Variants in VPS35L observed in about 807,000 individuals in gnomAD.
The protein encoded by VPS35L is VPS35 endosomal protein sorting factor like.
A neutral mutation model predicts 133.0 loss-of-function variants in VPS35L; 83 were observed. The ratio of observed to expected loss-of-function variants is 0.62; its 90% CI spans 0.52 to 0.75. The LOEUF (loss-of-function observed/expected upper bound fraction) is 0.75, where lower values mean the gene tolerates loss of function less well. Ranked by LOEUF, VPS35L falls within the 30% of genes least tolerant of loss-of-function variation. The pLI is 0.00. For missense variants in VPS35L, 1,083 were observed against 1,206.8 expected (o/e 0.90, Z 1.52); for synonymous variants, 423 against 449.9 (o/e 0.94, Z 0.76).
intron 27 of VPS35L, among the ~76,000 whole-genome samples, chr16:19,678,593 T>G (rs1488686942): frequency 3.3e-5 from 5 of 151,816 alleles, no homozygotes; most frequent in Admixed American, 3.3e-4. Context: ...TTCTCCTGCC[T>G]CAGCCTCCCA....
At chr16:19,574,047 A>G (rs1359387204) in intron 4 of VPS35L, among the ~76,000 whole-genome samples, 2 of 152,182 alleles carry the variant, frequency 1.3e-5, no homozygotes, top group African/African-American at 4.8e-5. Context: ...GGAAAGACTC[A>G]GGAGAGCTGA....
intron 2 of VPS35L, 70 bp downstream of exon 2, chr16:19,565,020 C>T: frequency 4.8e-6 from 6 of 1,250,658 alleles, no homozygotes; most frequent in Middle Eastern, 2.0e-4. Flanking sequence ...CTTCCTGAGT[C>T]TTTTCCGTTT....
At chr16:19,589,740 T>C (rs1443588995) in intron 7 of VPS35L, among the ~76,000 whole-genome samples, 1 of 152,228 alleles carries the variant, frequency 6.6e-6, no homozygotes. Flanking sequence ...ATAAAATATA[T>C]GTTCTATGAA....
chr16:19,622,634 A>G (rs1973122276), intron 14 of VPS35L, among the ~76,000 whole-genome samples: 1 of 152,208 alleles, frequency 6.6e-6, no homozygotes, highest in Non-Finnish European at 1.5e-5. Flanking sequence ...GGTCAACTGT[A>G]TACTAAAGTT....
Position 19,575,060 on chromosome 16 carries a change from C to T in VPS35L, c.409-38C>T, listed in dbSNP as rs778034227. On this transcript the variant is annotated intron_variant, in intron 4 of 30. Coordinates refer to ENST00000417362, the MANE Select transcript of VPS35L (RefSeq NM_020314.7). ...TGGAAAACAATGAACATACTGCCTTCGATTTTTAAAATATTAATGAATTTT... is the reference window on the plus strand; with the variant it reads ...TGGAAAACAATGAACATACTGCCTTTGATTTTTAAAATATTAATGAATTTT... 21 of 1,548,564 alleles carry T rather than the reference C, an allele frequency of 1.4e-5. No homozygotes were observed. The African/African-American group carries it at 1.4e-4, about 10-fold the overall frequency.
At chr16:19,603,183 C>T (rs1972439552) in intron 9 of VPS35L, among the ~76,000 whole-genome samples, 3 of 152,070 alleles carry the variant, frequency 2.0e-5, no homozygotes, top group South Asian at 2.1e-4. Flanking sequence ...TTTTAGGACC[C>T]ATCTTGTTTC....
chr16:19,678,481 ATTT>A (rs776896300), intron 27 of VPS35L, among the ~76,000 whole-genome samples: 3 of 141,758 alleles, frequency 2.1e-5, no homozygotes, highest in Admixed American at 7.1e-5. Context: ...CCATCTGTAC[ATTT>A]TTTTTTTTTT....
chr16:19,591,918 G>T (rs369954917), intron 8 of VPS35L, 44 bp downstream of exon 8: 1 of 1,446,766 alleles, frequency 6.9e-7, no homozygotes, highest in African/African-American at 1.4e-5. Context: ...AAATGTGTTC[G>T]TTTTGTCAAG....
At chr16:19,675,102 G>GCCAC (rs1167839565) in intron 27 of VPS35L, among the ~76,000 whole-genome samples, 1 of 151,922 alleles carries the variant, frequency 6.6e-6, no homozygotes, top group African/African-American at 2.4e-5. Context: ...ACATGGGCAA[G>GCCAC]CCACCAGGCC....
At chr16:19,575,207 AT>A (rs1450008837) in intron 5 of VPS35L, 85 bp downstream of exon 5, 1 of 1,261,878 alleles carries the variant, frequency 7.9e-7, no homozygotes, top group Non-Finnish European at 1.1e-6. Context: ...GTTTTATGTG[AT>A]ATGATTCTGA....
intron 12 of VPS35L, among the ~76,000 whole-genome samples, chr16:19,613,689 CT>C: frequency 6.6e-6 from 1 of 152,276 alleles, no homozygotes; most frequent in East Asian, 1.9e-4. Context: ...TTGTCCACCC[CT>C]AGACTAGTCA....
At chr16:19,643,155 A>T (rs1173242818) in intron 22 of VPS35L, among the ~76,000 whole-genome samples, 2 of 152,226 alleles carry the variant, frequency 1.3e-5, no homozygotes, top group East Asian at 1.9e-4. Flanking sequence ...CTTCACTTCC[A>T]TGATTTTTTG....
chr16:19,555,811 G>A, intron 1 of VPS35L, 65 bp downstream of exon 1: 2 of 1,515,868 alleles, frequency 1.3e-6, no homozygotes. Flanking sequence ...GGGTCGGCCT[G>A]GGTCTGAGAG....
intron 21 of VPS35L, among the ~76,000 whole-genome samples, chr16:19,640,539 G>T (rs558441436): frequency 6.0e-4 from 91 of 152,282 alleles, no homozygotes; most frequent in African/African-American, 2.1e-3. Flanking sequence ...TACGAAGAAG[G>T]CACCGGTGCT....
rs1299486447 is a variant in VPS35L at position 19,699,810 on chromosome 16, A to T, written c.2793+162A>T. ...GGATCACTTCCTAGCAGTAAAAAGC[A>T]GAGCTGGCCAGGTGTGGCAGCTCAT... On this transcript the variant is annotated intron_variant, in intron 30 of 30. Transcript: ENST00000417362. This position sits in a 1 kb window ranked among gnomAD's most constrained non-coding sequence, Gnocchi z 4.2. Among the ~76,000 whole-genome samples the T allele has an allele frequency of 6.6e-6, 1 of 152,240 alleles. No homozygotes were observed. The highest frequency in any genetic ancestry group is 1.5e-5 in the Non-Finnish European group (1 of 68,036).
intron 26 of VPS35L, among the ~76,000 whole-genome samples, chr16:19,665,894 C>A (rs549494840): frequency 6.6e-5 from 10 of 152,206 alleles, no homozygotes; most frequent in African/African-American, 2.4e-4. Context: ...TCGATGATAT[C>A]TCATTATAGT....
intron 8 of VPS35L, among the ~76,000 whole-genome samples, chr16:19,599,666 A>G (rs62026188): frequency 0.3 from 45,667 of 151,774 alleles, 8,108 homozygotes; most frequent in Non-Finnish European, 0.4. Context: ...ACGCCTGGCT[A>G]TAAAATATTC....
At chr16:19,641,881 AG>A (rs1973798581) in intron 21 of VPS35L, among the ~76,000 whole-genome samples, 2 of 152,168 alleles carry the variant, frequency 1.3e-5, no homozygotes, top group Admixed American at 1.3e-4. Flanking sequence ...AGTTAGGAGA[AG>A]TTATCATGTG....
chr16:19,690,141 A>T (rs922549869), intron 28 of VPS35L, among the ~76,000 whole-genome samples: 1 of 152,106 alleles, frequency 6.6e-6, no homozygotes, highest in Non-Finnish European at 1.5e-5. Flanking sequence ...TCCTGGACTC[A>T]AGTGATCCTC....
Sources: gnomAD v4.1 joint callset for allele counts (sites outside exome capture counted in the v4.1 genomes callset) on GRCh38, gnomAD v4.1.1 for gene constraint, Gnocchi (gnomAD v3.1) non-coding constraint, MANE v1.5 for transcripts, NCBI Gene and HGNC (gene_info 2026-07-23, HGNC 2026-07-21) for gene names.